The following RASAL2 variants were observed in gnomAD, a reference collection of about 807,000 sequenced individuals.
RASAL2 encodes the protein RAS protein activator like 2.
Under a neutral mutation model 128.9 loss-of-function variants are expected in RASAL2, and 58 were observed. That is an observed-to-expected ratio of 0.45 (90% CI 0.36 to 0.56). RASAL2 has a LOEUF of 0.56. Among genes scored for constraint, RASAL2 ranks in the 20% least tolerant of loss-of-function variants. RASAL2 has a pLI of 0.00. For missense variants in RASAL2, 1,360 were observed against 1,601.6 expected, an observed-to-expected ratio of 0.85 and a Z score of 2.57; for synonymous variants, 561 against 580.8, an observed-to-expected ratio of 0.97 and a Z score of 0.49.
intron 1 of RASAL2, among the ~76,000 whole-genome samples, chr1:178,159,550 T>C (rs1027570793): frequency 6.6e-5 from 10 of 152,210 alleles, no homozygotes; most frequent in African/African-American, 2.2e-4. Flanking sequence ...CACTTGTTCT[T>C]TTCTAAAATG....
At chr1:178,319,590 T>G (rs1482182274) in intron 3 of RASAL2, among the ~76,000 whole-genome samples, 1 of 147,364 alleles carries the variant, frequency 6.8e-6, no homozygotes, top group African/African-American at 2.7e-5. Flanking sequence ...TCGTATCGGC[T>G]CCTGAGGCTT....
At chr1:178,344,545 A>T (rs1670048316) in intron 3 of RASAL2, among the ~76,000 whole-genome samples, 1 of 152,190 alleles carries the variant, frequency 6.6e-6, no homozygotes, top group African/African-American at 2.4e-5. Context: ...CTTCTGCTCC[A>T]GTCTTGACCT....
At chr1:178,253,093 C>T (rs943271735) in intron 1 of RASAL2, among the ~76,000 whole-genome samples, 1 of 152,142 alleles carries the variant, frequency 6.6e-6, no homozygotes, top group African/African-American at 2.4e-5. Context: ...TTTCTCAAGA[C>T]TCTGAGGGAA....
intron 1 of RASAL2, among the ~76,000 whole-genome samples, chr1:178,202,304 C>T (rs1366990439): frequency 1.3e-5 from 2 of 152,164 alleles, no homozygotes; most frequent in African/African-American, 4.8e-5. Context: ...CTCCTGCCAC[C>T]CTGCCTTCTC....
intron 1 of RASAL2, among the ~76,000 whole-genome samples, chr1:178,251,083 C>T (rs190517156): frequency 1.0e-3 from 159 of 152,258 alleles, no homozygotes; most frequent in Non-Finnish European, 1.8e-3. Flanking sequence ...AACTAAGAAT[C>T]AGGAGTTTAG....
intron 5 of RASAL2, among the ~76,000 whole-genome samples, chr1:178,435,314 G>A (rs1676185292): frequency 6.6e-6 from 1 of 152,070 alleles, no homozygotes; most frequent in Non-Finnish European, 1.5e-5. Context: ...TGAAAAATTG[G>A]CCAGTTAAGC....
chr1:178,307,037 C>T (rs866375162), intron 3 of RASAL2, among the ~76,000 whole-genome samples: 15 of 149,950 alleles, frequency 1.0e-4, no homozygotes, highest in Non-Finnish European at 1.6e-4. Flanking sequence ...AAAAAAAGCA[C>T]GAAAAAGATG....
chr1:178,378,031 G>GA (rs893942388), intron 3 of RASAL2, among the ~76,000 whole-genome samples: 3 of 149,728 alleles, frequency 2.0e-5, no homozygotes, highest in African/African-American at 7.4e-5. Context: ...AAGAAAATCA[G>GA]AAAAAAATGG....
chr1:178,097,053 C>T (rs1006618261), intron 1 of RASAL2, among the ~76,000 whole-genome samples: 34 of 152,294 alleles, frequency 2.2e-4, no homozygotes, highest in African/African-American at 7.9e-4. Flanking sequence ...TCAAAACCTT[C>T]GTTGTCTTGG....
At chr1:178,242,470 TCTCTCTCTC>T (rs2102056170) in intron 1 of RASAL2, among the ~76,000 whole-genome samples, 1 of 92,292 alleles carries the variant, frequency 1.1e-5, no homozygotes, top group African/African-American at 4.3e-5. Context: ...TCTCTCTCTC[TCTCTCTCTC>T]TCTTTCATCT....
chr1:178,255,791 C>A (rs1309105786), intron 1 of RASAL2, among the ~76,000 whole-genome samples: 1 of 151,914 alleles, frequency 6.6e-6, no homozygotes, highest in Non-Finnish European at 1.5e-5. Flanking sequence ...AACAACAAAA[C>A]AAGAGATAAA....
intron 5 of RASAL2, among the ~76,000 whole-genome samples, chr1:178,425,386 A>T (rs1406244434): frequency 2.0e-5 from 3 of 152,148 alleles, no homozygotes; most frequent in Non-Finnish European, 2.9e-5. Context: ...ATGAGAAACA[A>T]ATATGAACTC....
At chr1:178,167,154 A>G (rs1661545108) in intron 1 of RASAL2, among the ~76,000 whole-genome samples, 1 of 152,156 alleles carries the variant, frequency 6.6e-6, no homozygotes, top group South Asian at 2.1e-4. Context: ...CTTTAATAAT[A>G]TGTACAGTAA....
At chr1:178,425,357 T>C (rs1675450967) in intron 5 of RASAL2, among the ~76,000 whole-genome samples, 1 of 152,170 alleles carries the variant, frequency 6.6e-6, no homozygotes, top group South Asian at 2.1e-4. Context: ...TTCTGCTTTT[T>C]TTTGTCTTAA....
chr1:178,410,986 G>A (rs1279476151), intron 4 of RASAL2, among the ~76,000 whole-genome samples: 1 of 152,146 alleles, frequency 6.6e-6, no homozygotes, highest in African/African-American at 2.4e-5. Context: ...ACTAAAAGTA[G>A]AACTGCCATT....
chr1:178,121,449 A>G (rs1659713000), intron 1 of RASAL2, among the ~76,000 whole-genome samples: 1 of 151,992 alleles, frequency 6.6e-6, no homozygotes, highest in African/African-American at 2.4e-5. Context: ...CTCTCTTCTA[A>G]TAGAAATCAA....
chr1:178,271,406 G>A lies in RASAL2; in HGVS notation c.203-12158G>A, dbSNP rs543141700. 2.5e-4 allele frequency among the ~76,000 whole-genome samples: 38 copies of A among 152,266 alleles called. 3 individuals are homozygous for A. In the South Asian group the frequency reaches 5.6e-3, roughly 22 times the overall value. On this transcript the variant is annotated intron_variant, in intron 1 of 17. Coordinates refer to ENST00000367649, the MANE Select transcript of RASAL2 (RefSeq NM_170692.4). ...TTATCTTTACTGTAGTTTAAGTGGG[G>A]TTTTGAAAGGAAGTGAAATTATATA...
At chr1:178,418,981 G>C (rs1674957866) in intron 4 of RASAL2, among the ~76,000 whole-genome samples, 1 of 152,112 alleles carries the variant, frequency 6.6e-6, no homozygotes, top group African/African-American at 2.4e-5. Context: ...CCTGCTTATG[G>C]ACATGTAACA....
At chr1:178,362,305 G>A (rs1571928733) in intron 3 of RASAL2, among the ~76,000 whole-genome samples, 2 of 152,098 alleles carry the variant, frequency 1.3e-5, no homozygotes, top group Non-Finnish European at 2.9e-5. Context: ...AGGAGGTCCT[G>A]GAACCAATCC....
Sources: gnomAD v4.1 joint callset for allele counts (sites outside exome capture counted in the v4.1 genomes callset) on GRCh38, gnomAD v4.1.1 for gene constraint, MANE v1.5 for transcripts, NCBI Gene and HGNC (gene_info 2026-07-23, HGNC 2026-07-21) for gene names.